The following DEPTOR variants were observed in gnomAD, a reference collection of about 807,000 sequenced individuals.
The protein encoded by DEPTOR is DEP domain containing MTOR interacting protein, also known as DEP domain-containing mTOR-interacting protein.
A neutral mutation model predicts 41.6 loss-of-function variants in DEPTOR; 41 were observed. The observed-to-expected ratio is 0.98, with a 90% CI of 0.77 to 1.28. DEPTOR has a LOEUF of 1.28. Ranked by LOEUF, DEPTOR falls within the 50% of genes most tolerant of loss-of-function variation. DEPTOR has a pLI of 0.00. For synonymous variants in DEPTOR, 195 were observed against 192.3 expected, an observed-to-expected ratio of 1.01 and a Z score of -0.12; for missense variants, 514 against 527.9, an observed-to-expected ratio of 0.97 and a Z score of 0.26.
intron 1 of DEPTOR, among the ~76,000 whole-genome samples, chr8:119,876,379 C>T (rs188099743): frequency 6.6e-6 from 1 of 151,940 alleles, no homozygotes; most frequent in South Asian, 2.1e-4. Context: ...TGATTATGCC[C>T]GTAATCCTGG....
chr8:119,923,546 T>C (rs1438119456), intron 1 of DEPTOR, among the ~76,000 whole-genome samples: 1 of 152,240 alleles, frequency 6.6e-6, no homozygotes, highest in Non-Finnish European at 1.5e-5. Flanking sequence ...CCAGCCTATC[T>C]GCTTTAATTG....
At chr8:119,959,965 C>T (rs183200785) in intron 3 of DEPTOR, among the ~76,000 whole-genome samples, 7 of 152,220 alleles carry the variant, frequency 4.6e-5, no homozygotes, top group Admixed American at 6.5e-5. Flanking sequence ...CGCAGTGGCT[C>T]ACACCCGTAA....
chr8:119,965,379 C>T lies in DEPTOR; in HGVS notation c.573C>T (p.His191=), dbSNP rs1285338213. Residue 191 remains histidine, a synonymous_variant, in exon 4 of 9, where the codon CAC becomes CAT. Coordinates refer to ENST00000286234, the MANE Select transcript of DEPTOR (RefSeq NM_022783.4). ...GGAAAGAGGCAGAGCAGCTTTGCCA[C>T]CGGCTTATGGAGCATGGCATCATCC... ...TTRKEAEQLC[H]RLMEHGIIQH... is the part of the protein sequence containing the mutation. 2.5e-6 allele frequency: 4 copies of T among 1,613,898 alleles called. No individual in the cohort carries two copies. The highest frequency in any genetic ancestry group is 2.2e-5 in the East Asian group (1 of 44,884).
chr8:119,987,867 C>G (rs922465341), intron 4 of DEPTOR, among the ~76,000 whole-genome samples: 1 of 152,184 alleles, frequency 6.6e-6, no homozygotes, highest in Non-Finnish European at 1.5e-5. Context: ...CACCCTTCCC[C>G]CCACCAAGCT....
chr8:119,878,438 GCCT>G (rs1482215804), intron 1 of DEPTOR, among the ~76,000 whole-genome samples: 2 of 151,806 alleles, frequency 1.3e-5, no homozygotes, highest in Non-Finnish European at 2.9e-5. Flanking sequence ...TCCTGCCTCA[GCCT>G]CCCGAGTAGG....
intron 3 of DEPTOR, among the ~76,000 whole-genome samples, chr8:119,933,259 G>C (rs951836481): frequency 4.0e-5 from 6 of 151,890 alleles, no homozygotes; most frequent in Non-Finnish European, 5.9e-5. Context: ...GGAGGCTGAG[G>C]TGGGCAGATC....
At chr8:120,043,072 A>T (rs1441752202) in intron 8 of DEPTOR, among the ~76,000 whole-genome samples, 1 of 134,598 alleles carries the variant, frequency 7.4e-6, no homozygotes, top group Non-Finnish European at 1.6e-5. Context: ...GCTGGTCTAG[A>T]ACTCTTCTTT....
At chr8:120,035,067 T>C (rs60768496) in intron 8 of DEPTOR, among the ~76,000 whole-genome samples, 9 of 152,004 alleles carry the variant, frequency 5.9e-5, no homozygotes, top group African/African-American at 2.2e-4. Flanking sequence ...CCTGGAATTC[T>C]AGCACTTTGG....
At chr8:119,974,548 A>G (rs993359947) in intron 4 of DEPTOR, among the ~76,000 whole-genome samples, 6 of 151,978 alleles carry the variant, frequency 3.9e-5, no homozygotes, top group African/African-American at 1.2e-4. Context: ...GAGGCGAGAG[A>G]ATCACTTGAG....
At chr8:119,971,033 A>C (rs1828625541) in intron 4 of DEPTOR, among the ~76,000 whole-genome samples, 1 of 152,262 alleles carries the variant, frequency 6.6e-6, no homozygotes, top group East Asian at 1.9e-4. Flanking sequence ...GATCGAGACC[A>C]TCCTGGCTAA....
intron 1 of DEPTOR, chr8:119,874,510 C>T (rs986915784): frequency 1.3e-5 from 2 of 158,612 alleles, no homozygotes; most frequent in African/African-American, 4.8e-5. Flanking sequence ...GATTCAAGGG[C>T]TTTTTGTGAG....
intron 2 of DEPTOR, among the ~76,000 whole-genome samples, chr8:119,929,342 C>G (rs1563968489): frequency 6.6e-6 from 1 of 152,254 alleles, no homozygotes; most frequent in Middle Eastern, 3.4e-3. Context: ...TTTTCAAAAG[C>G]TGTGTCACTG....
chr8:119,914,533 A>C (rs975904469), intron 1 of DEPTOR, among the ~76,000 whole-genome samples: 2 of 150,106 alleles, frequency 1.3e-5, no homozygotes, highest in African/African-American at 2.5e-5. Flanking sequence ...TCCGCCTCCC[A>C]GGTTCAAGTG....
chr8:120,025,804 C>T (rs1586663203), intron 8 of DEPTOR, among the ~76,000 whole-genome samples: 2 of 151,824 alleles, frequency 1.3e-5, no homozygotes, highest in South Asian at 2.1e-4. Flanking sequence ...CATTCCCCAC[C>T]AAGCAACCAA....
At chr8:119,940,757 T>C (rs778735101) in intron 3 of DEPTOR, among the ~76,000 whole-genome samples, 18 of 151,898 alleles carry the variant, frequency 1.2e-4, no homozygotes, top group East Asian at 1.9e-4. Flanking sequence ...AAAAGAATAA[T>C]AATTTTAAAA....
intron 3 of DEPTOR, among the ~76,000 whole-genome samples, chr8:119,955,502 T>A (rs1828406926): frequency 6.6e-6 from 1 of 152,114 alleles, no homozygotes; most frequent in African/African-American, 2.4e-5. Context: ...GTTTCGCTGT[T>A]ATTGCCCAGG....
intron 8 of DEPTOR, among the ~76,000 whole-genome samples, chr8:120,039,145 A>G (rs1813021432): frequency 6.6e-6 from 1 of 152,148 alleles, no homozygotes; most frequent in South Asian, 2.1e-4. Flanking sequence ...GCCCTCATGA[A>G]TGGGATTAGT....
chr8:119,881,990 G>C (rs145998421), intron 1 of DEPTOR, among the ~76,000 whole-genome samples: 3 of 152,156 alleles, frequency 2.0e-5, no homozygotes, highest in South Asian at 4.1e-4. Context: ...TCCCAGGTTC[G>C]AGTGATTGTC....
intron 3 of DEPTOR, among the ~76,000 whole-genome samples, chr8:119,936,083 T>C (rs139794603): frequency 3.3e-4 from 50 of 151,960 alleles, no homozygotes; most frequent in African/African-American, 9.4e-4. Context: ...TTAGTCTCTT[T>C]ATCCTGCTTA....
Sources: allele counts gnomAD v4.1 joint callset (sites outside exome capture counted in the v4.1 genomes callset), GRCh38; gene constraint gnomAD v4.1.1; transcripts MANE v1.5; gene names NCBI Gene and HGNC (gene_info 2026-07-23, HGNC 2026-07-21).